Variants in CELF2 observed in about 807,000 individuals in gnomAD.
CELF2 encodes CUGBP Elav-like family member 2.
A neutral mutation model predicts 62.6 loss-of-function variants in CELF2; 8 were observed. The observed-to-expected ratio is 0.13, with a 90% CI of 0.07 to 0.23. The LOEUF is 0.23. Among genes scored for constraint, CELF2 ranks in the 10% least tolerant of loss-of-function variants. The pLI, the probability that CELF2 is intolerant of heterozygous loss-of-function variation, is 1.00. For missense variants in CELF2, 333 were observed against 671.0 expected, an observed-to-expected ratio of 0.50 and a Z score of 5.56; for synonymous variants, 258 against 250.0, an observed-to-expected ratio of 1.03 and a Z score of -0.30.
chr10:11,217,373 C>G lies in CELF2; in HGVS notation c.272-52C>G. ...TTGTTCGCCACAGTCTCCATTATAT[C>G]TAAGCAAAGCATTCACAGAAATTTC... is the stretch of plus-strand genomic sequence containing the variant. On this transcript the variant is annotated intron_variant, in intron 2 of 12. Transcript: ENST00000633077. This position sits in a 1 kb window ranked among gnomAD's most constrained non-coding sequence, Gnocchi z 5.6. 5 of 1,303,964 alleles carry G rather than the reference C, an allele frequency of 3.8e-6. No homozygotes were observed. The highest frequency in any genetic ancestry group is 5.5e-6 in the Non-Finnish European group (5 of 906,994). The allele number at this position is 1,303,964 out of a possible 1,614,324, so 80.8% of individuals were successfully genotyped here.
chr10:11,319,919 C>T lies in CELF2; in HGVS notation c.1097-1270C>T, dbSNP rs1366643450. ...GGGCGTGTGGAGGTCACTCTGCTGC[C>T]GGATTCTCTGGTGTTTCCAGGCAGC... On this transcript the variant is annotated intron_variant, in intron 10 of 12. Transcript: ENST00000633077. This position sits in a 1 kb window ranked among gnomAD's most constrained non-coding sequence, Gnocchi z 4.4. The T allele has an allele frequency of 1.1e-5, 5 of 469,202 alleles. No individual in the cohort carries two copies. Among genetic ancestry groups the T allele is most frequent in the African/African-American group, 6.0e-5 (3 of 50,010 alleles). The allele number at this position is 469,202 out of a possible 1,614,324, so 29.1% of individuals were successfully genotyped here.
chr10:10,484,599 G>C, the CELF2 span, among the ~76,000 whole-genome samples: 2 of 151,662 alleles, frequency 1.3e-5, no homozygotes, highest in African/African-American at 4.8e-5. Flanking sequence ...TTACAGGCAT[G>C]AGCCACCACA....
At chr10:11,257,005 G>T (rs1330165906) in intron 4 of CELF2, among the ~76,000 whole-genome samples, 1 of 152,078 alleles carries the variant, frequency 6.6e-6, no homozygotes, top group African/African-American at 2.4e-5. Context: ...TTCTCCAGCA[G>T]CAGCCGCCCT....
At chr10:10,564,957 A>G in the CELF2 span, among the ~76,000 whole-genome samples, 2 of 152,346 alleles carry the variant, frequency 1.3e-5, no homozygotes, top group Admixed American at 1.3e-4. Context: ...TTATGACTCC[A>G]TGAGATCAGG....
chr10:11,040,936 A>G (rs1224651072), intron 1 of CELF2, among the ~76,000 whole-genome samples: 2 of 152,194 alleles, frequency 1.3e-5, no homozygotes, highest in Non-Finnish European at 2.9e-5. Context: ...GCCTCCTGCC[A>G]TGAATATCTT....
At position 11,217,570 on chromosome 10, in the gene CELF2, A is replaced by T; in HGVS notation, c.354+63A>T. On this transcript the variant is annotated intron_variant, in intron 3 of 12. Coordinates refer to ENST00000633077, the MANE Select transcript of CELF2 (RefSeq NM_001326342.2). The surrounding 1 kb of genome is among the most constrained non-coding windows in gnomAD (Gnocchi z 5.6). ...GCTTGAAAATGGTCCTTTCAACTGA[A>T]GGTTCTAGTTATGGGCTCTTAGTGC... The T allele has an allele frequency of 7.7e-7, 1 of 1,292,446 alleles. No individual in the cohort carries two copies. The highest frequency in any genetic ancestry group is 1.1e-6 in the Non-Finnish European group (1 of 898,168). 80.1% of individuals were successfully genotyped at this position (1,292,446 alleles called of 1,614,324 possible). A position where few individuals can be genotyped will look rare whatever the true frequency, so the allele number is the denominator to read the frequency against.
chr10:10,540,764 C>A, the CELF2 span, among the ~76,000 whole-genome samples: 5 of 152,104 alleles, frequency 3.3e-5, no homozygotes, highest in African/African-American at 1.2e-4. Context: ...AAACCGTGTC[C>A]ACTGTGAACA....
At chr10:10,913,101 GAC>G (rs907189771) in intron 1 of CELF2, among the ~76,000 whole-genome samples, 3 of 151,746 alleles carry the variant, frequency 2.0e-5, no homozygotes, top group African/African-American at 4.8e-5. Flanking sequence ...TTTGTATACA[GAC>G]ACACACACAC....
the CELF2 span, among the ~76,000 whole-genome samples, chr10:10,536,358 G>C: frequency 1.4e-4 from 21 of 152,278 alleles, no homozygotes; most frequent in Admixed American, 5.9e-4. Context: ...ATTGTTACTT[G>C]ATGTACTTTC....
chr10:10,923,452 A>G (rs1217671959), intron 2 of CELF2, among the ~76,000 whole-genome samples: 2 of 152,236 alleles, frequency 1.3e-5, no homozygotes, highest in African/African-American at 2.4e-5. Flanking sequence ...CCACTGGTGG[A>G]TAATATTCTG....
the CELF2 span, among the ~76,000 whole-genome samples, chr10:10,751,378 G>A: frequency 6.6e-6 from 1 of 152,214 alleles, no homozygotes; most frequent in African/African-American, 2.4e-5. Context: ...GTAAAAGAAT[G>A]TAGTTCCAAT....
the CELF2 span, among the ~76,000 whole-genome samples, chr10:10,651,304 G>C: frequency 6.8e-6 from 1 of 147,714 alleles, no homozygotes; most frequent in South Asian, 2.3e-4. Context: ...AGGGGTGCCC[G>C]CCATTGCCCA....
Position 10,890,307 on chromosome 10 carries a change from A to G in CELF2, c.54-29657A>G, listed in dbSNP as rs994680532. Among the ~76,000 whole-genome samples, 3 of 152,208 alleles carry G rather than the reference A, an allele frequency of 2.0e-5. No individual in the cohort carries two copies. The East Asian group carries it at 5.8e-4, about 29-fold the overall frequency. ...AAGGTGAATTGTCTACATCATGGAC[A>G]GTAAAGTAGAAAGGAAGGCCCACAG... On this transcript the variant is annotated intron_variant, in intron 1 of 13. Coordinates refer to the CELF2 transcript ENST00000636488.
At chr10:10,904,674 A>C (rs2063196540) in intron 1 of CELF2, among the ~76,000 whole-genome samples, 2 of 152,224 alleles carry the variant, frequency 1.3e-5, no homozygotes, top group African/African-American at 4.8e-5. Context: ...CGCTGTGATT[A>C]ATGCCCATGC....
intron 1 of CELF2, among the ~76,000 whole-genome samples, chr10:11,090,972 T>C (rs1279142360): frequency 6.6e-6 from 1 of 152,262 alleles, no homozygotes; most frequent in Non-Finnish European, 1.5e-5. Context: ...TTTAAAAACA[T>C]GTAATCATTG....
At chr10:10,752,748 G>T in the CELF2 span, among the ~76,000 whole-genome samples, 4 of 70,004 alleles carry the variant, frequency 5.7e-5, no homozygotes, top group Admixed American at 1.6e-4. Context: ...AGATCTAAAA[G>T]AATTTAGGCA....
chr10:11,160,495 A>G (rs1259603053), intron 1 of CELF2, among the ~76,000 whole-genome samples: 1 of 152,190 alleles, frequency 6.6e-6, no homozygotes, highest in Admixed American at 6.5e-5. Context: ...ATCTATAGCT[A>G]TTTAGGTAAA....
the CELF2 span, among the ~76,000 whole-genome samples, chr10:10,501,857 G>C: frequency 2.0e-5 from 3 of 152,164 alleles, no homozygotes; most frequent in Non-Finnish European, 4.4e-5. Context: ...TGATATTGGA[G>C]TGAAAGCATT....
chr10:11,121,604 G>T (rs554611518), intron 1 of CELF2, among the ~76,000 whole-genome samples: 1 of 152,224 alleles, frequency 6.6e-6, no homozygotes, highest in South Asian at 2.1e-4. Context: ...GTCAAATAGC[G>T]ACGCAGACGT....
Sources: allele counts gnomAD v4.1 joint callset (sites outside exome capture counted in the v4.1 genomes callset), GRCh38; gene constraint gnomAD v4.1.1; non-coding constraint Gnocchi (gnomAD v3.1); transcripts MANE v1.5; gene names NCBI Gene and HGNC (gene_info 2026-07-23, HGNC 2026-07-21).